Variants in XRCC5 observed in about 807,000 individuals in gnomAD.
XRCC5 encodes the protein X-ray repair cross complementing 5, also known as DNA repair protein Ku80.
In XRCC5, 12 loss-of-function variants were observed where a neutral mutation model predicts 95.7. The ratio of observed to expected loss-of-function variants is 0.13; its 90% confidence interval spans 0.08 to 0.20. XRCC5 has a LOEUF of 0.20. Ranked by LOEUF, XRCC5 falls within the 10% of genes least tolerant of loss-of-function variation. The pLI is 1.00. For missense variants in XRCC5, 595 were observed against 873.9 expected, an observed-to-expected ratio of 0.68 and a Z score of 4.02; for synonymous variants, 281 against 290.3, an observed-to-expected ratio of 0.97 and a Z score of 0.33.
At chr2:216,171,903 T>C (rs1002326503) in intron 16 of XRCC5, among the ~76,000 whole-genome samples, 5 of 152,268 alleles carry the variant, frequency 3.3e-5, no homozygotes, top group African/African-American at 9.6e-5. Flanking sequence ...CTATAAAATA[T>C]ACTGGTAAGT....
intron 16 of XRCC5, among the ~76,000 whole-genome samples, chr2:216,185,866 C>T (rs1408489181): frequency 6.6e-6 from 1 of 152,120 alleles, no homozygotes; most frequent in African/African-American, 2.4e-5. Context: ...CTCAAGTGAT[C>T]CGTCCTCCTT....
chr2:216,183,277 C>G (rs1369796013), intron 16 of XRCC5, among the ~76,000 whole-genome samples: 2 of 152,116 alleles, frequency 1.3e-5, no homozygotes, highest in Non-Finnish European at 2.9e-5. Flanking sequence ...CAATAAAGAC[C>G]TTGCATTTAC....
intron 14 of XRCC5, among the ~76,000 whole-genome samples, chr2:216,151,192 CAAGAGGAT>C (rs1688737637): frequency 1.3e-5 from 2 of 152,176 alleles, no homozygotes; most frequent in Non-Finnish European, 2.9e-5. Context: ...GATTTCATTT[CAAGAGGAT>C]AAGAGCACCA....
At chr2:216,141,880 C>G (rs1428986739) in intron 13 of XRCC5, among the ~76,000 whole-genome samples, 1 of 152,004 alleles carries the variant, frequency 6.6e-6, no homozygotes, top group African/African-American at 2.4e-5. Flanking sequence ...TGGTGAAACC[C>G]TGTCTCTACC....
At chr2:216,179,484 G>A (rs1161625271) in intron 16 of XRCC5, among the ~76,000 whole-genome samples, 1 of 152,154 alleles carries the variant, frequency 6.6e-6, no homozygotes, top group Admixed American at 6.5e-5. Context: ...AGTTAAAGCA[G>A]GATAGTGGGA....
At chr2:216,132,476 A>G in intron 10 of XRCC5, 89 bp downstream of exon 10, 1 of 1,304,730 alleles carries the variant, frequency 7.7e-7, no homozygotes, top group South Asian at 1.2e-5. Context: ...TATAGTTTAA[A>G]ATGACATGAA....
chr2:216,187,317 G>C (rs1689512194), intron 16 of XRCC5, among the ~76,000 whole-genome samples: 1 of 151,042 alleles, frequency 6.6e-6, no homozygotes, highest in Admixed American at 6.6e-5. Context: ...TTTTTACAAA[G>C]AAACTGGGTA....
intron 19 of XRCC5, among the ~76,000 whole-genome samples, chr2:216,200,866 A>G (rs1689822447): frequency 6.6e-6 from 1 of 152,160 alleles, no homozygotes. Flanking sequence ...CTAATGATGG[A>G]CATTTGCTTG....
intron 16 of XRCC5, among the ~76,000 whole-genome samples, chr2:216,173,880 G>A (rs1043441314): frequency 1.3e-5 from 2 of 152,210 alleles, no homozygotes; most frequent in African/African-American, 2.4e-5. Flanking sequence ...CTCCAGAACT[G>A]TGAGCTAAAT....
At chr2:216,125,884 T>G in intron 6 of XRCC5, 33 bp from the exon 7 acceptor site, 1 of 1,541,720 alleles carries the variant, frequency 6.5e-7, no homozygotes, top group Non-Finnish European at 9.0e-7. Flanking sequence ...ATTTAAAAAT[T>G]GTTGCTTTCA....
At chr2:216,174,198 G>A (rs1444979985) in intron 16 of XRCC5, among the ~76,000 whole-genome samples, 1 of 151,984 alleles carries the variant, frequency 6.6e-6, no homozygotes, top group Middle Eastern at 3.2e-3. Context: ...TCATTTGAAG[G>A]TCACCTTAAT....
intron 5 of XRCC5, 141 bp from the exon 6 acceptor site, chr2:216,121,921 A>C: frequency 1.4e-6 from 1 of 713,430 alleles, no homozygotes; most frequent in Non-Finnish European, 2.2e-6. Flanking sequence ...CTGGGAGAAT[A>C]TTGGCTAAGG....
intron 20 of XRCC5, among the ~76,000 whole-genome samples, 159 bp downstream of exon 20, chr2:216,204,555 TTCAA>T (rs1689906026): frequency 1.3e-5 from 2 of 152,228 alleles, no homozygotes; most frequent in Non-Finnish European, 2.9e-5. Flanking sequence ...CCATTATAAA[TTCAA>T]TCAGATAGGT....
At chr2:216,111,154 C>A (rs1696584138) in intron 1 of XRCC5, among the ~76,000 whole-genome samples, 1 of 152,198 alleles carries the variant, frequency 6.6e-6, no homozygotes. Flanking sequence ...TCGCATCAGT[C>A]TCCCTGTAAC....
chr2:216,197,314 T>C (rs907893289), intron 19 of XRCC5, among the ~76,000 whole-genome samples: 3 of 151,992 alleles, frequency 2.0e-5, no homozygotes, highest in African/African-American at 4.8e-5. Context: ...ATATCAGAAC[T>C]GATGTTAGTT....
At chr2:216,152,214 A>C (rs1421489425) in intron 14 of XRCC5, among the ~76,000 whole-genome samples, 1 of 152,084 alleles carries the variant, frequency 6.6e-6, no homozygotes, top group African/African-American at 2.4e-5. Flanking sequence ...AGGCAGGTGG[A>C]TTACTTGAGG....
chr2:216,183,380 A>G (rs1689428308), intron 16 of XRCC5, among the ~76,000 whole-genome samples: 1 of 152,228 alleles, frequency 6.6e-6, no homozygotes, highest in African/African-American at 2.4e-5. Flanking sequence ...ACTTACTTTT[A>G]TTAGTGCAAT....
At chr2:216,191,097 T>C (rs1559262529) in intron 17 of XRCC5, among the ~76,000 whole-genome samples, 1 of 152,188 alleles carries the variant, frequency 6.6e-6, no homozygotes, top group Non-Finnish European at 1.5e-5. Flanking sequence ...CAGAAGTAGA[T>C]AACCTGAATA....
At chr2:216,127,469 G>A in intron 7 of XRCC5, 67 bp from the exon 8 acceptor site, 1 of 1,524,414 alleles carries the variant, frequency 6.6e-7, no homozygotes, top group Non-Finnish European at 8.8e-7. Flanking sequence ...GAGTGTATTA[G>A]GTTTTCATCT....
Sources: allele counts gnomAD v4.1 joint callset (sites outside exome capture counted in the v4.1 genomes callset), GRCh38; gene constraint gnomAD v4.1.1; transcripts MANE v1.5; gene names NCBI Gene and HGNC (gene_info 2026-07-23, HGNC 2026-07-21).